The following KIF11 variants were observed in gnomAD, a reference collection of about 807,000 sequenced individuals.
The protein encoded by KIF11 is kinesin family member 11.
Under a neutral mutation model 121.0 loss-of-function variants are expected in KIF11, and 9 were observed. The observed-to-expected ratio is 0.07, with a 90% CI of 0.04 to 0.13. The LOEUF (loss-of-function observed/expected upper bound fraction) is 0.13. Ranked by LOEUF, KIF11 falls within the 10% of genes least tolerant of loss-of-function variation. The probability of loss-of-function intolerance (pLI) is 1.00; values close to 1 mark genes in which losing one functional copy is unlikely to be tolerated. For synonymous variants in KIF11, 408 were observed against 421.0 expected, an observed-to-expected ratio of 0.97 and a Z score of 0.38; for missense variants, 846 against 1,217.5, an observed-to-expected ratio of 0.69 and a Z score of 4.54.
At chr10:92,631,834 C>G (rs1449881815) in intron 12 of KIF11, among the ~76,000 whole-genome samples, 41 of 152,072 alleles carry the variant, frequency 2.7e-4, no homozygotes, top group Non-Finnish European at 1.5e-5. Context: ...TGCCACCACA[C>G]CCAGCTAATT....
In KIF11 at chr10:92,609,112, G is replaced by A; in HGVS notation, c.480G>A (p.Leu160=). 6.2e-7 allele frequency: 1 copy of A among 1,607,280 alleles called. No homozygotes were observed. The highest frequency in any genetic ancestry group is 8.5e-7 in the Non-Finnish European group (1 of 1,176,262). The part of the protein sequence containing the change: ...NGTEFSVKVS[L]LEIYNEELFD... Reference sequence around the variant, plus strand: ...CTGAATTTTCAGTCAAAGTGTCTCTGTTGGAGATCTATAATGAAGAGCTTT... The same window carrying A: ...CTGAATTTTCAGTCAAAGTGTCTCTATTGGAGATCTATAATGAAGAGCTTT... The change falls in exon 5 of 22, where the codon CTG becomes CTA. Residue 160 remains leucine (L), a synonymous_variant. Transcript: ENST00000260731.
At chr10:92,605,508 C>T (rs185789852) in intron 1 of KIF11, among the ~76,000 whole-genome samples, 1,013 of 91,350 alleles carry the variant, frequency 0.011, 20 homozygotes, top group African/African-American at 0.065. Flanking sequence ...TTTTTTGAGA[C>T]GGAGTTTCGC....
chr10:92,645,229 A>G, intron 17 of KIF11, 134 bp from the exon 18 acceptor site: 1 of 614,750 alleles, frequency 1.6e-6, no homozygotes, highest in Non-Finnish European at 2.8e-6. Context: ...CAGAAGATTT[A>G]CTAAGATCAC....
chr10:92,613,854 T>C lies in KIF11; in HGVS notation c.1032+235T>C, dbSNP rs2135905300. 6.6e-6 allele frequency among the ~76,000 whole-genome samples: 1 copy of C among 151,864 alleles called. No individual in the cohort carries two copies. Among genetic ancestry groups the C allele is most frequent in the East Asian group, 1.9e-4 (1 of 5,146 alleles). ...AGCTGGGTTTGGTGGTGTACAACTG[T>C]GGTCCCAGCTACTTGGGGGGCTGAG... On this transcript the variant is annotated intron_variant, in intron 8 of 21. Transcript: ENST00000260731. This position sits in a 1 kb window ranked among gnomAD's most constrained non-coding sequence, Gnocchi z 4.2.
intron 18 of KIF11, among the ~76,000 whole-genome samples, chr10:92,645,853 G>C (rs569596527): frequency 2.0e-5 from 3 of 151,110 alleles, no homozygotes; most frequent in African/African-American, 7.3e-5. Flanking sequence ...CATTTGTACA[G>C]TTTCTTTCCT....
intron 17 of KIF11, 32 bp from the exon 18 acceptor site, chr10:92,645,331 C>T (rs750109598): frequency 1.3e-6 from 2 of 1,515,802 alleles, no homozygotes; most frequent in Non-Finnish European, 1.8e-6. Context: ...CTTAATTCCC[C>T]ATTTCAACAG....
At chr10:92,609,637 GGTCA>G in intron 6 of KIF11, 128 bp downstream of exon 6, 1 of 760,450 alleles carries the variant, frequency 1.3e-6, no homozygotes, top group South Asian at 2.3e-5. Context: ...TATAAGGAGG[GGTCA>G]TTGGTAATTG....
intron 11 of KIF11, among the ~76,000 whole-genome samples, chr10:92,629,771 C>T (rs1370813178): frequency 6.6e-6 from 1 of 152,040 alleles, no homozygotes; most frequent in Non-Finnish European, 1.5e-5. Flanking sequence ...CACTACCATG[C>T]CCGGCTAATT....
In KIF11 at chr10:92,637,556, T is replaced by G. The variant is rs534508304; in HGVS notation, c.2160+11T>G. 4 of 1,598,056 alleles carry G rather than the reference T, an allele frequency of 2.5e-6. No individual in the cohort carries two copies. The African/African-American group carries it at 5.4e-5, about 22-fold the overall frequency. ...CAGACCCATTCCCAGGTATGTTGTT[T>G]AGCGGACTTGGGGAGTACAGAAAGA... On this transcript the variant is annotated intron_variant, in intron 16 of 21. Transcript: ENST00000260731.
intron 21 of KIF11, among the ~76,000 whole-genome samples, 171 bp from the exon 22 acceptor site, chr10:92,653,494 C>T (rs1668769732): frequency 6.6e-6 from 1 of 152,178 alleles, no homozygotes; most frequent in Non-Finnish European, 1.5e-5. Flanking sequence ...ATAAAGAAGG[C>T]ATTTGGCGCT....
chr10:92,651,535 T>C (rs1332670745), intron 21 of KIF11, among the ~76,000 whole-genome samples: 2 of 113,058 alleles, frequency 1.8e-5, no homozygotes, highest in East Asian at 2.3e-4. Flanking sequence ...TTTTTTTTTT[T>C]TTTTTTTTTT....
chr10:92,606,516 C>A, intron 2 of KIF11, 103 bp from the exon 3 acceptor site: 1 of 1,135,528 alleles, frequency 8.8e-7, no homozygotes. Flanking sequence ...TGTCAGATGG[C>A]TTCTAGTGGG....
chr10:92,639,771 C>A, intron 16 of KIF11, 23 bp from the exon 17 acceptor site: 2 of 1,403,622 alleles, frequency 1.4e-6, no homozygotes, highest in Non-Finnish European at 2.0e-6. Context: ...TAAGTCTCTT[C>A]ACTTCCCACA....
At chr10:92,614,706 A>G (rs1307010491) in intron 8 of KIF11, among the ~76,000 whole-genome samples, 1 of 152,196 alleles carries the variant, frequency 6.6e-6, no homozygotes, top group Admixed American at 6.5e-5. Context: ...AGGAAAACCA[A>G]GAAAAGTAAC....
intron 1 of KIF11, among the ~76,000 whole-genome samples, chr10:92,598,729 A>T (rs922605119): frequency 6.6e-6 from 1 of 152,034 alleles, no homozygotes; most frequent in Non-Finnish European, 1.5e-5. Flanking sequence ...TGAACAAGGG[A>T]TGTGTTTCCA....
Position 92,645,576 on chromosome 10 carries a change from T to G in KIF11, c.2481T>G (p.Val827=). ...QRCESLNTRT[V]YFSEQWVSSL... Reference sequence around the variant, plus strand: ...GTGAATCTCTGAACACAAGAACAGTTTATTTTTCTGAACAGTGGGTATCTT... The same window carrying G: ...GTGAATCTCTGAACACAAGAACAGTGTATTTTTCTGAACAGTGGGTATCTT... Residue 827 remains valine, a synonymous_variant, in exon 18 of 22, where the codon GTT becomes GTG. Coordinates refer to ENST00000260731, the MANE Select transcript of KIF11 (RefSeq NM_004523.4). 6.2e-7 allele frequency: 1 copy of G among 1,613,130 alleles called. No individual in the cohort carries two copies. Among genetic ancestry groups the G allele is most frequent in the Non-Finnish European group, 8.5e-7 (1 of 1,179,394 alleles).
chr10:92,598,310 A>C (rs1844324462), intron 1 of KIF11, among the ~76,000 whole-genome samples: 1 of 152,194 alleles, frequency 6.6e-6, no homozygotes, highest in African/African-American at 2.4e-5. Context: ...ATTCTTTTGC[A>C]TATGGATATT....
In KIF11 at chr10:92,605,005, G is replaced by A. The variant is rs938045526; in HGVS notation, c.78-1260G>A. On this transcript the variant is annotated intron_variant, in intron 1 of 21. Coordinates refer to ENST00000260731, the MANE Select transcript of KIF11 (RefSeq NM_004523.4). ...TTCTGTAGTGATCTGAGGTTTAGTG[G>A]GTAACACATTAAAAAAAAAAGATAA... Among the ~76,000 whole-genome samples, 24 of 151,844 alleles carry A rather than the reference G, an allele frequency of 1.6e-4. No individual in the cohort carries two copies. The East Asian group carries it at 4.6e-3, about 29-fold the overall frequency.
intron 21 of KIF11, among the ~76,000 whole-genome samples, chr10:92,651,507 GTTTTTTTTT>G (rs1175303233): frequency 0.049 from 2,594 of 52,896 alleles, 213 homozygotes; most frequent in Non-Finnish European, 0.059. Flanking sequence ...GGCTAATTTT[GTTTTTTTTT>G]TTTTTTTTTT....
Sources: allele counts gnomAD v4.1 joint callset (sites outside exome capture counted in the v4.1 genomes callset), GRCh38; gene constraint gnomAD v4.1.1; non-coding constraint Gnocchi (gnomAD v3.1); transcripts MANE v1.5; gene names NCBI Gene and HGNC (gene_info 2026-07-23, HGNC 2026-07-21).